EPAS1: variants seen among roughly 807,000 people sequenced by gnomAD.
The protein encoded by EPAS1 is endothelial PAS domain protein 1, also known as endothelial PAS domain-containing protein 1.
A neutral mutation model predicts 87.9 loss-of-function variants in EPAS1; 23 were observed. The observed-to-expected ratio is 0.26, with a 90% CI of 0.19 to 0.37. EPAS1 has a LOEUF of 0.37. EPAS1 is among the 10% of genes least tolerant of loss of function. EPAS1 has a pLI of 1.00. For synonymous variants in EPAS1, 508 were observed against 444.3 expected, an observed-to-expected ratio of 1.14 and a Z score of -1.80; for missense variants, 1,138 against 1,120.7, an observed-to-expected ratio of 1.02 and a Z score of -0.22.
intron 6 of EPAS1, among the ~76,000 whole-genome samples, chr2:46,369,471 G>A (rs1465419273): frequency 6.6e-6 from 1 of 152,188 alleles, no homozygotes. Flanking sequence ...GCCCGTCCTG[G>A]ATGTCTACTC....
chr2:46,372,784 C>T (rs1348497433), intron 7 of EPAS1, among the ~76,000 whole-genome samples: 6 of 152,224 alleles, frequency 3.9e-5, no homozygotes, highest in Non-Finnish European at 5.9e-5. Context: ...TTGCTTGCTG[C>T]ACTGTTTGAT....
intron 1 of EPAS1, among the ~76,000 whole-genome samples, chr2:46,307,465 C>G (rs552504478): frequency 6.6e-6 from 1 of 152,150 alleles, no homozygotes; most frequent in East Asian, 1.9e-4. Flanking sequence ...GGGAGTCTGT[C>G]TTTTATTCTG....
In EPAS1 at chr2:46,346,372, C is replaced by T. The variant is rs897458829; in HGVS notation, c.27-501C>T. On this transcript the variant is annotated intron_variant, in intron 1 of 15. Coordinates refer to ENST00000263734, the MANE Select transcript of EPAS1 (RefSeq NM_001430.5). This position sits in a 1 kb window ranked among gnomAD's most constrained non-coding sequence, Gnocchi z 4.0. The stretch of plus-strand genomic sequence containing the variant: ...GTGGAAATCACTTTCTGGTATGAAG[C>T]GGGATCTAGGGTTCAGTACTACTCT... Among the ~76,000 whole-genome samples the T allele has an allele frequency of 7.2e-5, 11 of 152,256 alleles. No individual in the cohort carries two copies. Among genetic ancestry groups the T allele is most frequent in the Middle Eastern group, 6.8e-3 (2 of 294 alleles).
intron 15 of EPAS1, 57 bp downstream of exon 15, chr2:46,382,655 C>A (rs1684926817): frequency 6.2e-7 from 1 of 1,605,090 alleles, no homozygotes; most frequent in East Asian, 2.2e-5. Flanking sequence ...AGGGGAAGCC[C>A]ACGTCTACTT....
In EPAS1 at chr2:46,380,788, C is replaced by A; in HGVS notation, c.2045+71C>A. ...GCACCCACTAGTAAGATAGCTGGAC[C>A]CCCAGGGAGGCCCCTGCCCCTCTCC... On this transcript the variant is annotated intron_variant, in intron 12 of 15. Transcript: ENST00000263734. This position sits in a 1 kb window ranked among gnomAD's most constrained non-coding sequence, Gnocchi z 4.4. 1.3e-6 allele frequency: 2 copies of A among 1,597,800 alleles called. No homozygotes were observed. Among genetic ancestry groups the A allele is most frequent in the Non-Finnish European group, 1.7e-6 (2 of 1,179,352 alleles).
chr2:46,311,484 C>G (rs1280626922), intron 1 of EPAS1, among the ~76,000 whole-genome samples: 1 of 152,110 alleles, frequency 6.6e-6, no homozygotes, highest in Non-Finnish European at 1.5e-5. Context: ...TAAGAACTCC[C>G]CTAGGCTAGA....
chr2:46,386,572 G>A lies in EPAS1; in HGVS notation c.*1912G>A, dbSNP rs954898115. 1.3e-5 allele frequency: 2 copies of A among 152,592 alleles called. No homozygotes were observed. Among genetic ancestry groups the A allele is most frequent in the African/African-American group, 4.8e-5 (2 of 41,422 alleles). The allele number at this position is 152,592 out of a possible 1,614,324, so 9.5% of individuals were successfully genotyped here. ...CTTCATATTAACCCTACCTGTCAAC[G>A]TAACGATTTCATGAACGTTATTATA... is the stretch of plus-strand genomic sequence containing the variant. On this transcript the variant is annotated 3_prime_UTR_variant, in exon 16 of 16. Coordinates refer to ENST00000263734, the MANE Select transcript of EPAS1 (RefSeq NM_001430.5).
intron 2 of EPAS1, among the ~76,000 whole-genome samples, chr2:46,352,317 C>T (rs1326248397): frequency 2.0e-5 from 3 of 152,186 alleles, no homozygotes; most frequent in East Asian, 1.9e-4. Flanking sequence ...CTGTCGATTC[C>T]GAGGGAAGGA....
intron 8 of EPAS1, among the ~76,000 whole-genome samples, chr2:46,376,335 G>T (rs1350249961): frequency 6.6e-6 from 1 of 152,152 alleles, no homozygotes; most frequent in African/African-American, 2.4e-5. Flanking sequence ...ATCCGAAACA[G>T]ACATACATTC....
At chr2:46,379,409 A>G (rs1021221164) in intron 11 of EPAS1, among the ~76,000 whole-genome samples, 1 of 152,142 alleles carries the variant, frequency 6.6e-6, no homozygotes, top group African/African-American at 2.4e-5. Flanking sequence ...TCTTGATCCT[A>G]CTTGGCACAA....
At position 46,380,054 on chromosome 2, in the gene EPAS1, GAC is replaced by G. The variant is rs1684851569; in HGVS notation, c.1555-169_1555-168del. 1.0e-6 allele frequency: 1 copy of G among 990,718 alleles called. No individual in the cohort carries two copies. The highest frequency in any genetic ancestry group is 1.7e-5 in the Admixed American group (1 of 58,154). The allele number at this position is 990,718 out of a possible 1,614,324, so 61.4% of individuals were successfully genotyped here. A position where few individuals can be genotyped will look rare whatever the true frequency, so the allele number is the denominator to read the frequency against. The stretch of plus-strand genomic sequence containing the variant: ...GTACATGATACAAGGTCGTGTACAT[GAC>G]ACAGCCAAGTCTGAGGTTTTCCTGA... On this transcript the variant is annotated intron_variant, in intron 11 of 15. Coordinates refer to ENST00000263734, the MANE Select transcript of EPAS1 (RefSeq NM_001430.5). This position sits in a 1 kb window ranked among gnomAD's most constrained non-coding sequence, Gnocchi z 4.4.
At chr2:46,353,415 A>G (rs1037445690) in intron 2 of EPAS1, among the ~76,000 whole-genome samples, 1 of 152,240 alleles carries the variant, frequency 6.6e-6, no homozygotes, top group Non-Finnish European at 1.5e-5. Context: ...GCAGTCTTAG[A>G]GGGCGCCACA....
intron 6 of EPAS1, among the ~76,000 whole-genome samples, chr2:46,366,108 A>G (rs1248547334): frequency 6.6e-6 from 1 of 152,228 alleles, no homozygotes; most frequent in African/African-American, 2.4e-5. Context: ...GTGGCATCTG[A>G]AGTCAGGCAC....
chr2:46,375,609 C>A lies in EPAS1; in HGVS notation c.887-81C>A. 2 of 1,527,370 alleles carry A rather than the reference C, an allele frequency of 1.3e-6. No homozygotes were observed. The highest frequency in any genetic ancestry group is 2.4e-5 in the South Asian group (2 of 84,276). 94.6% of individuals were successfully genotyped at this position (1,527,370 alleles called of 1,614,324 possible). ...GTCTGTTCCCCTGCAGATTAGACTGCCCTCCCATGCGATCTGCTGAGCCTG... is the reference window on the plus strand; with the variant it reads ...GTCTGTTCCCCTGCAGATTAGACTGACCTCCCATGCGATCTGCTGAGCCTG... On this transcript the variant is annotated intron_variant, in intron 7 of 15. Coordinates refer to ENST00000263734, the MANE Select transcript of EPAS1 (RefSeq NM_001430.5). The surrounding 1 kb of genome is among the most constrained non-coding windows in gnomAD (Gnocchi z 4.1).
rs1572650832 is a variant in EPAS1, at chr2:46,382,593, T to C, written c.2456T>C (p.Val819Ala). The change falls in exon 15 of 16, where the codon GTG (valine) becomes GCG (alanine). Residue 819 changes from valine (V) to alanine (A), a missense_variant. By Grantham distance (64) the Val-to-Ala change is moderately conservative. Coordinates refer to ENST00000263734, the MANE Select transcript of EPAS1 (RefSeq NM_001430.5). ...TACAGCCTGTCGTCAGCCCACAAGG[T>C]GTCAGGTGGGTGTGCCCAGGATCTG... ...QDYSLSSAHK[V>A]SGMASRLLGP... The C allele has an allele frequency of 6.2e-7, 1 of 1,613,998 alleles. No homozygotes were observed. Among genetic ancestry groups the C allele is most frequent in the South Asian group, 1.1e-5 (1 of 91,076 alleles).
intron 1 of EPAS1, among the ~76,000 whole-genome samples, chr2:46,345,047 C>T (rs150702326): frequency 2.4e-4 from 37 of 152,332 alleles, no homozygotes; most frequent in Middle Eastern, 3.4e-3. Context: ...GAGAAGCAGC[C>T]TCTGGGATCT....
At chr2:46,304,655 C>T (rs1340586823) in intron 1 of EPAS1, among the ~76,000 whole-genome samples, 1 of 152,098 alleles carries the variant, frequency 6.6e-6, no homozygotes, top group Admixed American at 6.6e-5. Flanking sequence ...TGGTTCTCTC[C>T]TGCCCCAAGA....
At position 46,384,623 on chromosome 2, in the gene EPAS1, G is replaced by C. The variant is rs780399027; in HGVS notation, c.2576G>C (p.Gly859Ala). ...PVLGSSTLLQ[G>A]GDLLRALDQA... The stretch of plus-strand genomic sequence containing the variant: ...CTGGGAAGCTCCACGCTCCTGCAAG[G>C]AGGGGACCTCCTCAGAGCCCTGGAC... The change falls in exon 16 of 16, where the codon GGA becomes GCA. Residue 859 changes from glycine to alanine, a missense_variant. By Grantham distance (60) the Gly-to-Ala change is moderately conservative. Coordinates refer to ENST00000263734, the MANE Select transcript of EPAS1 (RefSeq NM_001430.5). 1 of 1,614,060 alleles carries C rather than the reference G, an allele frequency of 6.2e-7. No individual in the cohort carries two copies. The highest frequency in any genetic ancestry group is 1.7e-5 in the Admixed American group (1 of 60,022).
intron 1 of EPAS1, among the ~76,000 whole-genome samples, chr2:46,312,983 T>G (rs1217350516): frequency 6.6e-6 from 1 of 152,222 alleles, no homozygotes; most frequent in Non-Finnish European, 1.5e-5. Context: ...CCATGTCTGC[T>G]CAGGTCCTAC....
Sources: allele counts gnomAD v4.1 joint callset (sites outside exome capture counted in the v4.1 genomes callset), GRCh38; gene constraint gnomAD v4.1.1; non-coding constraint Gnocchi (gnomAD v3.1); transcripts MANE v1.5; gene names NCBI Gene and HGNC (gene_info 2026-07-23, HGNC 2026-07-21).